TSPAN3: variants seen among roughly 807,000 people sequenced by gnomAD.
The protein encoded by TSPAN3 is tetraspanin-3.
A neutral mutation model predicts 31.1 loss-of-function variants in TSPAN3; 9 were observed. The observed-to-expected ratio is 0.29, with a 90% confidence interval of 0.17 to 0.50. TSPAN3 has a LOEUF of 0.50. Ranked by LOEUF, TSPAN3 falls within the 20% of genes least tolerant of loss-of-function variation. The pLI is 0.98. For missense variants in TSPAN3, 252 were observed against 313.5 expected (o/e 0.80, Z 1.48); for synonymous variants, 129 against 114.3 (o/e 1.13, Z -0.82).
At chr15:77,069,405 T>C (rs573022407) in intron 1 of TSPAN3, among the ~76,000 whole-genome samples, 1 of 152,338 alleles carries the variant, frequency 6.6e-6, no homozygotes, top group South Asian at 2.1e-4. Context: ...ACTGGTTCTA[T>C]ATGTGCATTT....
At chr15:77,060,544 A>T (rs1436882304) in intron 1 of TSPAN3, among the ~76,000 whole-genome samples, 2 of 152,256 alleles carry the variant, frequency 1.3e-5, no homozygotes, top group African/African-American at 2.4e-5. Flanking sequence ...ACTAGTATGC[A>T]TAGGGACTTT....
Position 77,046,904 on chromosome 15 carries a change from G to C in TSPAN3, c.693C>G (p.Cys231Trp). ...CTCTACTCCTTCTGCACAACACGAT[G>C]CAAGCACACAGCATGCCCAGCAGCT... ...AIQLLGMLCA[C>W]IVLCRRSRDP... The change falls in exon 7 of 7, where the codon TGC becomes TGG. Residue 231 changes from cysteine to tryptophan, a missense_variant. Cys to Trp is a radical substitution (Grantham distance 215, BLOSUM62 -2). Transcript: ENST00000267970. 1 of 1,586,606 alleles carries C rather than the reference G, an allele frequency of 6.3e-7. No individual in the cohort carries two copies. The highest frequency in any genetic ancestry group is 8.6e-7 in the Non-Finnish European group (1 of 1,163,458).
chr15:77,061,982 AG>A (rs1171798571), intron 1 of TSPAN3, among the ~76,000 whole-genome samples: 3 of 152,244 alleles, frequency 2.0e-5, no homozygotes, highest in Non-Finnish European at 4.4e-5. Flanking sequence ...GTTGAGAGAA[AG>A]GAAAAAAGTC....
intron 1 of TSPAN3, among the ~76,000 whole-genome samples, chr15:77,060,148 T>C (rs2076792229): frequency 6.6e-6 from 1 of 152,146 alleles, no homozygotes; most frequent in Non-Finnish European, 1.5e-5. Flanking sequence ...GATGAGAACA[T>C]AACAAAGCTC....
chr15:77,066,557 G>GT (rs1270760191), intron 1 of TSPAN3, among the ~76,000 whole-genome samples: 1 of 101,474 alleles, frequency 9.9e-6, no homozygotes, highest in East Asian at 3.4e-4. Context: ...GGGCGACAGA[G>GT]TAAGACTTCG....
chr15:77,042,644 G>C lies in TSPAN3; in HGVS notation c.*4191C>G, dbSNP rs1178662232. On this transcript the variant is annotated 3_prime_UTR_variant, in exon 7 of 7. Coordinates refer to ENST00000267970, the MANE Select transcript of TSPAN3 (RefSeq NM_005724.6). Reference sequence around the variant, plus strand: ...ATATATGAAAATAAATGAAGGAGAAGGGAGGGATGACTGGCAAATGAGGAA... The same window carrying C: ...ATATATGAAAATAAATGAAGGAGAACGGAGGGATGACTGGCAAATGAGGAA... 3 of 151,972 alleles carry C rather than the reference G, an allele frequency of 2.0e-5. No individual in the cohort carries two copies. 9.4% of individuals were successfully genotyped at this position (151,972 alleles called of 1,614,324 possible).
At chr15:77,052,627 CAA>C in intron 5 of TSPAN3, 148 bp downstream of exon 5, 2 of 1,075,982 alleles carry the variant, frequency 1.9e-6, no homozygotes, top group Admixed American at 5.3e-5. Flanking sequence ...GTAATTAAAA[CAA>C]AGACATGCAT....
intron 6 of TSPAN3, among the ~76,000 whole-genome samples, chr15:77,048,825 A>T (rs1400639999): frequency 6.6e-6 from 1 of 152,180 alleles, no homozygotes; most frequent in Non-Finnish European, 1.5e-5. Context: ...AGTGGTGATT[A>T]AAAAAACTGA....
At chr15:77,055,981 C>T in intron 2 of TSPAN3, 83 bp downstream of exon 2, 1 of 1,520,194 alleles carries the variant, frequency 6.6e-7, no homozygotes, top group Non-Finnish European at 8.8e-7. Flanking sequence ...AACTCTGTTC[C>T]AACTATAAGA....
Position 77,046,884 on chromosome 15 carries a change from C to T in TSPAN3, c.713G>A (p.Ser238Asn), listed in dbSNP as rs1419474075. 2.5e-6 allele frequency: 4 copies of T among 1,593,206 alleles called. No homozygotes were observed. Among genetic ancestry groups the T allele is most frequent in the Admixed American group, 1.7e-5 (1 of 58,432 alleles). Residue 238 changes from serine to asparagine, a missense_variant, in exon 7 of 7, where the codon AGT becomes AAT. By Grantham distance (46) the Ser-to-Asn change is conservative. Transcript: ENST00000267970. ...LCACIVLCRRSRDPAYELLIT... is the reference protein window; with the variant it reads ...LCACIVLCRRNRDPAYELLIT... ...GAGGAGCTCGTAAGCAGGATCTCTA[C>T]TCCTTCTGCACAACACGATGCAAGC...
chr15:77,067,101 C>T (rs1239434682), intron 1 of TSPAN3, among the ~76,000 whole-genome samples: 4 of 152,008 alleles, frequency 2.6e-5, no homozygotes, highest in East Asian at 1.9e-4. Context: ...GCCCTCATGA[C>T]CCAATCACCT....
At chr15:77,067,109 C>A (rs1463435255) in intron 1 of TSPAN3, among the ~76,000 whole-genome samples, 1 of 152,058 alleles carries the variant, frequency 6.6e-6, no homozygotes, top group Non-Finnish European at 1.5e-5. Flanking sequence ...GACCCAATCA[C>A]CTCTTAAAGG....
chr15:77,046,300 CAT>C lies in TSPAN3; in HGVS notation c.*533_*534del, dbSNP rs1177601100. 2.5e-6 allele frequency: 1 copy of C among 398,974 alleles called. No individual in the cohort carries two copies. Among genetic ancestry groups the C allele is most frequent in the Admixed American group, 4.4e-5 (1 of 22,862 alleles). The allele number at this position is 398,974 out of a possible 1,614,324, so 24.7% of individuals were successfully genotyped here. A position where few individuals can be genotyped will look rare whatever the true frequency, so the allele number is the denominator to read the frequency against. On this transcript the variant is annotated 3_prime_UTR_variant, in exon 7 of 7. Transcript: ENST00000267970. ...TTTGAAGATGAACCAAGATATACGC[CAT>C]ATGATCCTACAATCTATTTTAGTCA...
rs568069552 is a variant in TSPAN3 at position 77,046,715 on chromosome 15, G to C, written c.*120C>G. 2 of 722,444 alleles carry C rather than the reference G, an allele frequency of 2.8e-6. No individual in the cohort carries two copies. Among genetic ancestry groups the C allele is most frequent in the South Asian group, 3.5e-5 (2 of 56,416 alleles). 44.8% of individuals were successfully genotyped at this position (722,444 alleles called of 1,614,324 possible). On this transcript the variant is annotated 3_prime_UTR_variant, in exon 7 of 7. Transcript: ENST00000267970. ...GGCACATGAAAAGCCAAGCTGCTCT[G>C]TCCAACACCAGTGTACATGTGCTTT...
intron 3 of TSPAN3, chr15:77,054,586 G>A (rs928807483): frequency 5.7e-6 from 1 of 173,950 alleles, no homozygotes; most frequent in South Asian, 1.7e-4. Context: ...TGGGATAGAT[G>A]TCCTAAATTA....
intron 1 of TSPAN3, among the ~76,000 whole-genome samples, chr15:77,066,920 C>T (rs374708573): frequency 6.6e-6 from 1 of 152,122 alleles, no homozygotes; most frequent in African/African-American, 2.4e-5. Context: ...CGTAGCTGGT[C>T]AGGGCCTTCT....
intron 6 of TSPAN3, among the ~76,000 whole-genome samples, chr15:77,047,517 G>GTTTT (rs1056546499): frequency 2.6e-5 from 4 of 152,250 alleles, no homozygotes; most frequent in African/African-American, 9.6e-5. Flanking sequence ...AAAAAATGTA[G>GTTTT]TTGGAAGGTT....
At chr15:77,055,661 T>C (rs538395738) in intron 3 of TSPAN3, 128 bp downstream of exon 3, 20 of 717,510 alleles carry the variant, frequency 2.8e-5, no homozygotes, top group East Asian at 1.1e-4. Context: ...CTTTAGATAT[T>C]TGAAATACAG....
intron 1 of TSPAN3, among the ~76,000 whole-genome samples, chr15:77,068,506 C>T (rs1346649793): frequency 2.0e-5 from 3 of 152,142 alleles, no homozygotes; most frequent in Non-Finnish European, 4.4e-5. Flanking sequence ...CAATTCCAGT[C>T]CCTGAGCTTG....
Sources: allele counts gnomAD v4.1 joint callset (sites outside exome capture counted in the v4.1 genomes callset), GRCh38; gene constraint gnomAD v4.1.1; transcripts MANE v1.5; gene names NCBI Gene and HGNC (gene_info 2026-07-23, HGNC 2026-07-21).